The following DPM1 variants were observed in gnomAD, a reference collection of about 807,000 sequenced individuals.
DPM1 encodes dolichol-phosphate mannosyltransferase subunit 1.
DPM1 carries 27 observed loss-of-function variants against 39.0 expected under a neutral mutation model. The observed-to-expected ratio is 0.69, with a 90% CI of 0.51 to 0.95. DPM1 has a LOEUF of 0.95. DPM1 is among the 40% of genes least tolerant of loss of function. The pLI, the probability that DPM1 is intolerant of heterozygous loss-of-function variation, is 0.00. For synonymous variants in DPM1, 124 were observed against 109.0 expected, an observed-to-expected ratio of 1.14 and a Z score of -0.86; for missense variants, 307 against 315.6, an observed-to-expected ratio of 0.97 and a Z score of 0.21.
At chr20:50,940,317 G>A (rs770789826) in intron 7 of DPM1, among the ~76,000 whole-genome samples, 8 of 151,866 alleles carry the variant, frequency 5.3e-5, no homozygotes, top group Non-Finnish European at 7.4e-5. Context: ...GGCAAGTTTT[G>A]TCATTTGCCA....
intron 2 of DPM1, among the ~76,000 whole-genome samples, chr20:50,949,057 C>T (rs998225182): frequency 6.6e-5 from 10 of 152,058 alleles, no homozygotes; most frequent in African/African-American, 2.2e-4. Context: ...GACAGGGTTC[C>T]ACCGTGTTAG....
chr20:50,937,800 CTT>C (rs1195887441), intron 7 of DPM1, among the ~76,000 whole-genome samples: 2 of 151,910 alleles, frequency 1.3e-5, no homozygotes, highest in Non-Finnish European at 2.9e-5. Context: ...TGCTAAATAA[CTT>C]AGAATAACTT....
intron 2 of DPM1, 120 bp downstream of exon 2, chr20:50,955,066 A>G (rs924139773): frequency 1.2e-6 from 1 of 840,770 alleles, no homozygotes; most frequent in African/African-American, 1.7e-5. Context: ...CCAAATGCGT[A>G]AGTTGCTCTT....
chr20:50,958,060 C>A (rs1172162821), intron 1 of DPM1, among the ~76,000 whole-genome samples: 1 of 152,248 alleles, frequency 6.6e-6, no homozygotes, highest in Non-Finnish European at 1.5e-5. Flanking sequence ...ATCACGCTTT[C>A]AGCCTCGCTT....
intron 7 of DPM1, 81 bp from the exon 8 acceptor site, chr20:50,936,343 G>A (rs1406787803): frequency 2.1e-6 from 2 of 935,550 alleles, no homozygotes; most frequent in Non-Finnish European, 3.3e-6. Flanking sequence ...GAGTTCACTG[G>A]TATGTATAAA....
At position 50,941,260 on chromosome 20, in the gene DPM1, AT is replaced by A. The variant is rs1400305968; in HGVS notation, c.495-328del. The A allele has an allele frequency of 7.8e-3, 1,351 of 172,378 alleles. 73 individuals are homozygous for A. Among genetic ancestry groups the A allele is most frequent in the African/African-American group, 0.035 (1,249 of 35,410 alleles). The allele number at this position is 172,378 out of a possible 1,614,324, so 10.7% of individuals were successfully genotyped here. ...TATATATATATATATATATATATATATATAAATAAAATACATTCATATAATA... is the reference window on the plus strand; with the variant it reads ...TATATATATATATATATATATATATAATAAATAAAATACATTCATATAATA... On this transcript the variant is annotated intron_variant, in intron 6 of 8. Transcript: ENST00000371588.
rs554945470 is a variant in DPM1 at position 50,937,836 on chromosome 20, A to T, written c.564-1574T>A. Among the ~76,000 whole-genome samples the T allele has an allele frequency of 1.5e-3, 228 of 151,924 alleles. 1 individual carries two copies. The highest frequency in any genetic ancestry group is 4.8e-3 in the African/African-American group (200 of 41,458). On this transcript the variant is annotated intron_variant, in intron 7 of 8. Transcript: ENST00000371588. ...TTTTAAAGTTATTATTATTATTATT[A>T]TTTTTATTTTTTTAGTTTTTGTAGA...
At chr20:50,946,975 G>A (rs1986324441) in intron 3 of DPM1, among the ~76,000 whole-genome samples, 3 of 152,182 alleles carry the variant, frequency 2.0e-5, no homozygotes, top group South Asian at 2.1e-4. Context: ...TTGGGAGGCC[G>A]AGGCAGGCGG....
At chr20:50,936,412 A>C in intron 7 of DPM1, 150 bp from the exon 8 acceptor site, 1 of 594,400 alleles carries the variant, frequency 1.7e-6, no homozygotes, top group East Asian at 2.8e-5. Context: ...GATGATTATG[A>C]TACATTTGTC....
At chr20:50,952,188 G>T (rs1197376294) in intron 2 of DPM1, among the ~76,000 whole-genome samples, 1 of 152,230 alleles carries the variant, frequency 6.6e-6, no homozygotes, top group Non-Finnish European at 1.5e-5. Flanking sequence ...TAAAGTGCTT[G>T]CAAGAATGAC....
chr20:50,958,323 G>A, intron 1 of DPM1, 40 bp downstream of exon 1: 1 of 1,608,088 alleles, frequency 6.2e-7, no homozygotes, highest in Non-Finnish European at 8.5e-7. Context: ...GGGGAAGCCA[G>A]CTCATCTCAT....
chr20:50,956,913 T>C (rs766784555), intron 1 of DPM1, among the ~76,000 whole-genome samples: 15 of 152,334 alleles, frequency 9.8e-5, no homozygotes, highest in Admixed American at 2.0e-4. Flanking sequence ...TGATTGCATC[T>C]GAAAAGTTTT....
intron 7 of DPM1, among the ~76,000 whole-genome samples, chr20:50,936,631 C>A (rs889685184): frequency 1.3e-5 from 2 of 152,116 alleles, no homozygotes; most frequent in African/African-American, 2.4e-5. Context: ...AAATATTGAA[C>A]AACAGGGTGG....
intron 2 of DPM1, among the ~76,000 whole-genome samples, chr20:50,952,861 A>C (rs1986650154): frequency 1.3e-5 from 2 of 152,362 alleles, no homozygotes; most frequent in East Asian, 3.9e-4. Flanking sequence ...ACAAAGTTCT[A>C]AGAATCTACC....
At chr20:50,939,365 G>GT (rs564598562) in intron 7 of DPM1, among the ~76,000 whole-genome samples, 28 of 149,756 alleles carry the variant, frequency 1.9e-4, no homozygotes, top group Middle Eastern at 3.5e-3. Flanking sequence ...GATCTTTTTT[G>GT]TTTTTTTTTG....
intron 7 of DPM1, among the ~76,000 whole-genome samples, chr20:50,940,548 T>C (rs564673233): frequency 6.6e-6 from 1 of 152,344 alleles, no homozygotes; most frequent in East Asian, 1.9e-4. Flanking sequence ...GGTATTCATA[T>C]GAAATGCAGA....
chr20:50,949,394 C>T lies in DPM1; in HGVS notation c.262-732G>A, dbSNP rs182714091. 5.9e-5 allele frequency among the ~76,000 whole-genome samples: 9 copies of T among 152,250 alleles called. No homozygotes were observed. In the East Asian group the frequency reaches 1.7e-3, roughly 29 times the overall value. ...GTTTTGAATACTAATATCACTCTTCCTCTATTAACTTATCTTGACCTTATG... is the reference window on the plus strand; with the variant it reads ...GTTTTGAATACTAATATCACTCTTCTTCTATTAACTTATCTTGACCTTATG... On this transcript the variant is annotated intron_variant, in intron 2 of 8. Coordinates refer to ENST00000371588, the MANE Select transcript of DPM1 (RefSeq NM_003859.3).
In DPM1 at chr20:50,955,302, T is replaced by C. The variant is rs376823531; in HGVS notation, c.162-17A>G. On this transcript the variant is annotated splice_polypyrimidine_tract_variant and intron_variant, in intron 1 of 8. Coordinates refer to ENST00000371588, the MANE Select transcript of DPM1 (RefSeq NM_003859.3). Reference sequence around the variant, plus strand: ...TTGATTCCACTAAAAAAATTAAATTTGTATTAATGACTGATGACAGTGTTC... The same window carrying C: ...TTGATTCCACTAAAAAAATTAAATTCGTATTAATGACTGATGACAGTGTTC... 48 of 1,540,770 alleles carry C rather than the reference T, an allele frequency of 3.1e-5. No homozygotes were observed. The highest frequency in any genetic ancestry group is 4.1e-5 in the Non-Finnish European group (46 of 1,115,162).
Position 50,940,876 on chromosome 20 carries a change from T to C in DPM1, c.552A>G (p.Thr184=), listed in dbSNP as rs1985668924. The C allele has an allele frequency of 6.2e-7, 1 of 1,613,794 alleles. No individual in the cohort carries two copies. The highest frequency in any genetic ancestry group is 1.1e-5 in the South Asian group (1 of 91,084). The change falls in exon 7 of 9, where the codon ACA becomes ACG. Residue 184 remains threonine (T), a synonymous_variant. Coordinates refer to ENST00000371588, the MANE Select transcript of DPM1 (RefSeq NM_003859.3). ...AATTTTCACTGTACCTGAAACTTCC[T>C]GTTAAATCAGATGCTCCTGGTCTCA... ...ILLRPGASDL[T]GSFRLYRKEV...
Sources: allele counts gnomAD v4.1 joint callset (sites outside exome capture counted in the v4.1 genomes callset), GRCh38; gene constraint gnomAD v4.1.1; transcripts MANE v1.5; gene names NCBI Gene and HGNC (gene_info 2026-07-23, HGNC 2026-07-21).